UBE2E2: variants seen among roughly 807,000 people sequenced by gnomAD.
UBE2E2 encodes the protein ubiquitin conjugating enzyme E2 E2.
A neutral mutation model predicts 24.7 loss-of-function variants in UBE2E2; 6 were observed. That is an observed-to-expected ratio of 0.24 (90% CI 0.13 to 0.48). The LOEUF (loss-of-function observed/expected upper bound fraction) is 0.48. Ranked by LOEUF, UBE2E2 falls within the 20% of genes least tolerant of loss-of-function variation. UBE2E2 has a pLI of 0.99. For synonymous variants in UBE2E2, 104 were observed against 83.6 expected (o/e 1.24, Z -1.33); for missense variants, 169 against 245.0 (o/e 0.69, Z 2.07).
chr3:23,208,665 T>G lies in UBE2E2; in HGVS notation c.-8-27T>G, dbSNP rs749319781. On this transcript the variant is annotated intron_variant, in intron 1 of 5. Coordinates refer to ENST00000396703, the MANE Select transcript of UBE2E2 (RefSeq NM_152653.4). The stretch of plus-strand genomic sequence containing the variant: ...GGTAGCTTACTGTAGTACAGCTAAA[T>G]AAATGATTTTTGATTCTTTAATCCA... 6.4e-6 allele frequency: 10 copies of G among 1,573,358 alleles called. No individual in the cohort carries two copies. The African/African-American group carries it at 1.2e-4, about 19-fold the overall frequency.
At chr3:23,473,148 G>T (rs1332877255) in intron 3 of UBE2E2, among the ~76,000 whole-genome samples, 3 of 152,020 alleles carry the variant, frequency 2.0e-5, no homozygotes, top group African/African-American at 7.3e-5. Context: ...TTAAATGGGA[G>T]CAGAGTGCCT....
At chr3:23,374,912 G>T (rs143857751) in intron 3 of UBE2E2, among the ~76,000 whole-genome samples, 1 of 152,100 alleles carries the variant, frequency 6.6e-6, no homozygotes, top group East Asian at 1.9e-4. Context: ...GGGATTACAG[G>T]TGCTCACAAA....
At chr3:23,339,197 A>C (rs920912446) in intron 3 of UBE2E2, among the ~76,000 whole-genome samples, 1 of 152,140 alleles carries the variant, frequency 6.6e-6, no homozygotes, top group African/African-American at 2.4e-5. Flanking sequence ...CATCAAACCC[A>C]AATTGAGGGC....
intron 3 of UBE2E2, among the ~76,000 whole-genome samples, chr3:23,485,804 G>T (rs1186876712): frequency 6.6e-6 from 1 of 152,234 alleles, no homozygotes; most frequent in Non-Finnish European, 1.5e-5. Flanking sequence ...ATGGGGGACA[G>T]AGAGAGACAT....
chr3:23,463,166 A>C (rs768390561), intron 3 of UBE2E2, among the ~76,000 whole-genome samples: 5 of 152,052 alleles, frequency 3.3e-5, no homozygotes, highest in Non-Finnish European at 7.4e-5. Flanking sequence ...ACTTAAAATT[A>C]TCTCTTTTTC....
At chr3:23,469,442 T>G (rs1698989273) in intron 3 of UBE2E2, among the ~76,000 whole-genome samples, 1 of 152,304 alleles carries the variant, frequency 6.6e-6, no homozygotes, top group Admixed American at 6.5e-5. Context: ...AAATTAAATA[T>G]GGTACTAGTA....
chr3:23,303,922 T>TA (rs887225630), intron 3 of UBE2E2, among the ~76,000 whole-genome samples: 29 of 152,182 alleles, frequency 1.9e-4, no homozygotes, highest in Admixed American at 1.7e-3. Context: ...CCAATGTAAT[T>TA]ATATTCTTAG....
intron 3 of UBE2E2, among the ~76,000 whole-genome samples, chr3:23,248,895 TGAA>T (rs369028650): frequency 2.0e-5 from 3 of 152,232 alleles, no homozygotes; most frequent in Non-Finnish European, 4.4e-5. Flanking sequence ...TTGGCCTTAT[TGAA>T]GAATACTTGA....
At chr3:23,535,804 G>T (rs946102244) in intron 5 of UBE2E2, among the ~76,000 whole-genome samples, 1 of 151,794 alleles carries the variant, frequency 6.6e-6, no homozygotes, top group Non-Finnish European at 1.5e-5. Flanking sequence ...TGTATTTTTA[G>T]TAGAGACAAG....
chr3:23,585,804 G>T (rs951927725), intron 5 of UBE2E2, among the ~76,000 whole-genome samples: 1 of 151,156 alleles, frequency 6.6e-6, no homozygotes, highest in African/African-American at 2.4e-5. Flanking sequence ...TTTTCTTCTT[G>T]TTAGAGAAAT....
chr3:23,555,224 A>G (rs1404301530), intron 5 of UBE2E2, among the ~76,000 whole-genome samples: 1 of 152,120 alleles, frequency 6.6e-6, no homozygotes. Flanking sequence ...CTGGTCCTGA[A>G]TAGACATTTA....
chr3:23,324,182 T>A (rs1460767527), intron 3 of UBE2E2, among the ~76,000 whole-genome samples: 1 of 152,150 alleles, frequency 6.6e-6, no homozygotes, highest in African/African-American at 2.4e-5. Context: ...TTATTCCTGT[T>A]CCACTGCATC....
intron 3 of UBE2E2, among the ~76,000 whole-genome samples, chr3:23,395,417 A>T (rs1211873770): frequency 2.0e-5 from 3 of 152,170 alleles, no homozygotes; most frequent in Non-Finnish European, 4.4e-5. Flanking sequence ...CATGTACTTA[A>T]TTTGTTTGAA....
chr3:23,358,708 CAG>C (rs952879744), intron 3 of UBE2E2, among the ~76,000 whole-genome samples: 17 of 152,068 alleles, frequency 1.1e-4, no homozygotes, highest in African/African-American at 3.6e-4. Context: ...GTAAGAATAA[CAG>C]AACTGAAATT....
intron 3 of UBE2E2, among the ~76,000 whole-genome samples, chr3:23,447,146 A>C (rs867166045): frequency 3.7e-4 from 56 of 151,694 alleles, no homozygotes; most frequent in African/African-American, 1.3e-3. Context: ...TTTTATATTA[A>C]TTTTCTGTGT....
At chr3:23,303,195 C>T (rs897373051) in intron 3 of UBE2E2, among the ~76,000 whole-genome samples, 4 of 151,932 alleles carry the variant, frequency 2.6e-5, no homozygotes, top group African/African-American at 7.3e-5. Context: ...CACTGTCTCC[C>T]GTCACCCCCA....
At chr3:23,588,298 C>T (rs538292748) in intron 5 of UBE2E2, among the ~76,000 whole-genome samples, 1 of 151,774 alleles carries the variant, frequency 6.6e-6, no homozygotes, top group East Asian at 1.9e-4. Flanking sequence ...AAATATAAAT[C>T]GGGGAAAGAG....
intron 3 of UBE2E2, among the ~76,000 whole-genome samples, chr3:23,442,454 C>T (rs1265785278): frequency 6.6e-6 from 1 of 151,886 alleles, no homozygotes; most frequent in African/African-American, 2.4e-5. Context: ...GTCTTCTGAT[C>T]CTAAGTGTTC....
intron 3 of UBE2E2, among the ~76,000 whole-genome samples, chr3:23,257,527 C>T (rs1429045793): frequency 7.0e-5 from 1 of 14,288 alleles, no homozygotes; most frequent in African/African-American, 2.9e-4. Flanking sequence ...CCCCCCCCCC[C>T]CACTTTTTTT....
Sources: gnomAD v4.1 joint callset for allele counts (sites outside exome capture counted in the v4.1 genomes callset) on GRCh38, gnomAD v4.1.1 for gene constraint, MANE v1.5 for transcripts, NCBI Gene and HGNC (gene_info 2026-07-23, HGNC 2026-07-21) for gene names.